The following HFM1 variants were observed in gnomAD, a reference collection of about 807,000 sequenced individuals.
HFM1 encodes the protein probable ATP-dependent DNA helicase HFM1.
HFM1 carries 169 observed loss-of-function variants against 192.1 expected under a neutral mutation model. That is an observed-to-expected ratio of 0.88 (90% confidence interval 0.78 to 1.00). HFM1 has a LOEUF of 1.00. Ranked by LOEUF, HFM1 falls within the 50% of genes least tolerant of loss-of-function variation. The pLI is 0.00. For missense variants in HFM1, 1,661 were observed against 1,668.0 expected, an observed-to-expected ratio of 1.00 and a Z score of 0.07; for synonymous variants, 525 against 537.8, an observed-to-expected ratio of 0.98 and a Z score of 0.33.
At chr1:91,335,628 T>C (rs1240981492) in intron 20 of HFM1, among the ~76,000 whole-genome samples, 2 of 152,194 alleles carry the variant, frequency 1.3e-5, no homozygotes, top group East Asian at 3.8e-4. Context: ...TCAGGATATT[T>C]CAAAGATTAA....
upstream of HFM1, among the ~76,000 whole-genome samples, chr1:91,407,205 T>TG (rs1182187260): frequency 1.3e-5 from 2 of 149,902 alleles, no homozygotes; most frequent in Non-Finnish European, 3.0e-5. Context: ...TGGGGCCCGT[T>TG]GGGGGGTGAG....
intron 19 of HFM1, among the ~76,000 whole-genome samples, chr1:91,343,905 C>T (rs1490219965): frequency 2.0e-5 from 3 of 152,220 alleles, no homozygotes; most frequent in Non-Finnish European, 4.4e-5. Context: ...TAAGTAACCA[C>T]TTTGCTATCT....
chr1:91,348,299 T>C (rs1362343575), intron 18 of HFM1, among the ~76,000 whole-genome samples: 1 of 152,104 alleles, frequency 6.6e-6, no homozygotes, highest in Non-Finnish European at 1.5e-5. Context: ...TACATAATAT[T>C]GATAAAAATA....
At chr1:91,262,840 A>G (rs541259508) in intron 36 of HFM1, among the ~76,000 whole-genome samples, 77 of 152,074 alleles carry the variant, frequency 5.1e-4, no homozygotes, top group Non-Finnish European at 9.0e-4. Context: ...TTATTCAACA[A>G]TTTTCTTTAA....
intron 20 of HFM1, among the ~76,000 whole-genome samples, chr1:91,340,969 G>A (rs1433289709): frequency 3.9e-5 from 6 of 152,058 alleles, no homozygotes; most frequent in African/African-American, 1.2e-4. Context: ...CCTACAAAGA[G>A]ACTTAGATAC....
At chr1:91,372,860 G>A (rs992353328) in intron 13 of HFM1, among the ~76,000 whole-genome samples, 4 of 151,980 alleles carry the variant, frequency 2.6e-5, no homozygotes, top group Non-Finnish European at 4.4e-5. Flanking sequence ...CTACCTCTCA[G>A]ACTTCATCTA....
At chr1:91,273,932 T>C in intron 33 of HFM1, 117 bp from the exon 34 acceptor site, 1 of 601,604 alleles carries the variant, frequency 1.7e-6, no homozygotes, top group Non-Finnish European at 2.8e-6. Context: ...ACTTCTATGA[T>C]ACACTGGACC....
intron 30 of HFM1, among the ~76,000 whole-genome samples, chr1:91,279,035 A>G (rs945643562): frequency 2.0e-5 from 3 of 152,162 alleles, no homozygotes; most frequent in Non-Finnish European, 4.4e-5. Context: ...ATGTACCAAA[A>G]TATCCAACAT....
chr1:91,356,369 G>A (rs1657738797), intron 13 of HFM1, among the ~76,000 whole-genome samples: 1 of 151,640 alleles, frequency 6.6e-6, no homozygotes, highest in Non-Finnish European at 1.5e-5. Flanking sequence ...TCAGCCTCCT[G>A]AGTAGCTGGG....
chr1:91,326,611 T>C (rs1652949649), intron 20 of HFM1, among the ~76,000 whole-genome samples: 1 of 152,202 alleles, frequency 6.6e-6, no homozygotes, highest in South Asian at 2.1e-4. Context: ...CTAAGAAATG[T>C]TCAAGGAAGC....
chr1:91,404,418 T>C (rs1664643273), intron 1 of HFM1, among the ~76,000 whole-genome samples: 1 of 152,090 alleles, frequency 6.6e-6, no homozygotes, highest in Non-Finnish European at 1.5e-5. Context: ...GACAGATGGG[T>C]ACGTCCCCCC....
chr1:91,361,269 T>A (rs1658466736), intron 13 of HFM1, among the ~76,000 whole-genome samples: 2 of 150,780 alleles, frequency 1.3e-5, no homozygotes, highest in African/African-American at 2.4e-5. Flanking sequence ...CAGGAGCTAG[T>A]TTTTTGAAAA....
Position 91,276,729 on chromosome 1 carries a change from C to A in HFM1, c.3487G>T (p.Ala1163Ser). The A allele has an allele frequency of 6.7e-7, 1 of 1,486,264 alleles. No homozygotes were observed. The highest frequency in any genetic ancestry group is 9.1e-7 in the Non-Finnish European group (1 of 1,104,316). 92.1% of individuals were successfully genotyped at this position (1,486,264 alleles called of 1,614,324 possible). Residue 1163 changes from alanine to serine, a missense_variant, in exon 32 of 39, where the codon GCA becomes TCA. Transcript: ENST00000370425. ...GACTCTTTAATTTCTGACTTCTGTG[C>A]AACTCCAATTTTACCTATGAAAAGA... is the stretch of plus-strand genomic sequence containing the variant. ...CGHDCCKIGV[A>S]QKSEIKESTI...
In HFM1 at chr1:91,317,457, T is replaced by C. The variant is rs555407979; in HGVS notation, c.2813-981A>G. ...AACAAAAAAAATCAAGTTCATTTTC[T>C]TCTTTGGATCTTTCCTATTTCCTTA... On this transcript the variant is annotated intron_variant, in intron 25 of 38. Transcript: ENST00000370425. 1.6e-4 allele frequency among the ~76,000 whole-genome samples: 24 copies of C among 152,236 alleles called. No homozygotes were observed. In the South Asian group the frequency reaches 2.9e-3, roughly 18 times the overall value.
At chr1:91,289,083 G>A (rs1668381940) in intron 30 of HFM1, among the ~76,000 whole-genome samples, 1 of 151,728 alleles carries the variant, frequency 6.6e-6, no homozygotes, top group Admixed American at 6.6e-5. Flanking sequence ...CTGCCGGGCG[G>A]AGACACTCCT....
At chr1:91,349,591 G>A (rs555040901) in intron 18 of HFM1, among the ~76,000 whole-genome samples, 1 of 152,308 alleles carries the variant, frequency 6.6e-6, no homozygotes, top group Admixed American at 6.5e-5. Context: ...CAACAACTGT[G>A]AGAAACTGAG....
intron 4 of HFM1, among the ~76,000 whole-genome samples, chr1:91,388,742 G>A (rs974655893): frequency 1.2e-4 from 19 of 152,104 alleles, no homozygotes; most frequent in African/African-American, 4.3e-4. Flanking sequence ...CCAAAGTGAC[G>A]CCAAATCAGT....
chr1:91,369,139 C>A (rs937132040), intron 13 of HFM1, among the ~76,000 whole-genome samples: 1 of 152,158 alleles, frequency 6.6e-6, no homozygotes, highest in African/African-American at 2.4e-5. Flanking sequence ...GACTCCCACA[C>A]AATAATAATG....
At chr1:91,278,203 G>T (rs1413814253) in intron 30 of HFM1, among the ~76,000 whole-genome samples, 1 of 151,644 alleles carries the variant, frequency 6.6e-6, no homozygotes, top group East Asian at 1.9e-4. Context: ...ATGCTTTAGG[G>T]ATCTAAGAAA....
Sources: gnomAD v4.1 joint callset for allele counts (sites outside exome capture counted in the v4.1 genomes callset) on GRCh38, gnomAD v4.1.1 for gene constraint, MANE v1.5 for transcripts, NCBI Gene and HGNC (gene_info 2026-07-23, HGNC 2026-07-21) for gene names.